The following SLC24A2 variants were observed in gnomAD, a reference collection of about 807,000 sequenced individuals.
SLC24A2 encodes the protein solute carrier family 24 member 2, also known as sodium/potassium/calcium exchanger 2.
A neutral mutation model predicts 62.0 loss-of-function variants in SLC24A2; 36 were observed. The observed-to-expected ratio is 0.58, with a 90% CI of 0.44 to 0.77. The LOEUF (loss-of-function observed/expected upper bound fraction) is 0.77, where lower values mean the gene tolerates loss of function less well. Ranked by LOEUF, SLC24A2 falls within the 30% of genes least tolerant of loss-of-function variation. The pLI, the probability that SLC24A2 is intolerant of heterozygous loss-of-function variation, is 0.00. For synonymous variants in SLC24A2, 358 were observed against 294.0 expected, an observed-to-expected ratio of 1.22 and a Z score of -2.23; for missense variants, 846 against 817.9, an observed-to-expected ratio of 1.03 and a Z score of -0.42.
At chr9:20,077,432 A>C in the SLC24A2 span, among the ~76,000 whole-genome samples, 2 of 152,148 alleles carry the variant, frequency 1.3e-5, no homozygotes, top group African/African-American at 2.4e-5. Context: ...TTTATTTCTT[A>C]AATAAAAAAA....
the SLC24A2 span, among the ~76,000 whole-genome samples, chr9:20,146,017 C>A: frequency 6.6e-6 from 1 of 151,902 alleles, no homozygotes; most frequent in Admixed American, 6.6e-5. Flanking sequence ...ATTATAATAT[C>A]TTTTATTTAC....
At chr9:19,907,371 T>C in the SLC24A2 span, among the ~76,000 whole-genome samples, 1 of 152,200 alleles carries the variant, frequency 6.6e-6, no homozygotes. Context: ...GCCAATGTCA[T>C]ACTGAATGGG....
chr9:19,616,218 C>G (rs1164845522), intron 4 of SLC24A2, among the ~76,000 whole-genome samples: 1 of 152,036 alleles, frequency 6.6e-6, no homozygotes, highest in African/African-American at 2.4e-5. Context: ...TGTTACTTTT[C>G]AAAATAATGA....
chr9:20,040,777 G>A, the SLC24A2 span, among the ~76,000 whole-genome samples: 2 of 151,830 alleles, frequency 1.3e-5, no homozygotes, highest in African/African-American at 4.8e-5. Context: ...CCAGGGAAGG[G>A]AAAGGACAGC....
the SLC24A2 span, among the ~76,000 whole-genome samples, chr9:19,913,671 T>C: frequency 2.0e-5 from 3 of 152,078 alleles, no homozygotes; most frequent in Non-Finnish European, 4.4e-5. Flanking sequence ...TTCATGAGAT[T>C]AACCATCCTT....
intron 8 of SLC24A2, among the ~76,000 whole-genome samples, chr9:19,528,936 A>T (rs1833560460): frequency 1.3e-5 from 2 of 152,178 alleles, no homozygotes; most frequent in Non-Finnish European, 2.9e-5. Context: ...GAGCATTTTT[A>T]AAGTTTCCTA....
the SLC24A2 span, among the ~76,000 whole-genome samples, chr9:20,101,617 A>G: frequency 6.6e-6 from 1 of 152,212 alleles, no homozygotes; most frequent in African/African-American, 2.4e-5. Flanking sequence ...GGGCAAATTT[A>G]CAAACCAAGG....
chr9:20,062,900 A>T, the SLC24A2 span, among the ~76,000 whole-genome samples: 1 of 118,756 alleles, frequency 8.4e-6, no homozygotes, highest in Non-Finnish European at 1.7e-5. Context: ...TATGCTCACC[A>T]TCACTGGCCA....
At chr9:19,898,367 A>C in the SLC24A2 span, among the ~76,000 whole-genome samples, 12 of 152,226 alleles carry the variant, frequency 7.9e-5, no homozygotes, top group South Asian at 2.1e-4. Flanking sequence ...TGGCTGCTTC[A>C]TCCCATAACA....
At chr9:19,885,403 T>A in the SLC24A2 span, among the ~76,000 whole-genome samples, 5 of 152,214 alleles carry the variant, frequency 3.3e-5, no homozygotes, top group African/African-American at 1.2e-4. Context: ...AGGTGGATGA[T>A]GATGCTTTAA....
At chr9:19,826,557 G>C in the SLC24A2 span, among the ~76,000 whole-genome samples, 1 of 152,162 alleles carries the variant, frequency 6.6e-6, no homozygotes, top group Non-Finnish European at 1.5e-5. Flanking sequence ...GGCACACCTG[G>C]TGGCTGGTGA....
At chr9:20,161,654 T>C in the SLC24A2 span, among the ~76,000 whole-genome samples, 1 of 151,224 alleles carries the variant, frequency 6.6e-6, no homozygotes, top group Admixed American at 6.6e-5. Context: ...TTTTGACAAA[T>C]TTGACACCCA....
the SLC24A2 span, among the ~76,000 whole-genome samples, chr9:19,976,731 C>T: frequency 2.0e-5 from 3 of 152,280 alleles, no homozygotes; most frequent in African/African-American, 4.8e-5. Flanking sequence ...TGAGTGTCCA[C>T]AGATTTTGGT....
At chr9:19,519,041 A>C (rs961318123) in intron 10 of SLC24A2, among the ~76,000 whole-genome samples, 1 of 152,198 alleles carries the variant, frequency 6.6e-6, no homozygotes, top group African/African-American at 2.4e-5. Flanking sequence ...ATAGCAGAAA[A>C]TTTTTAATAA....
At chr9:19,602,742 G>A (rs148265235) in intron 4 of SLC24A2, among the ~76,000 whole-genome samples, 1,599 of 152,266 alleles carry the variant, frequency 0.011, 31 homozygotes, top group African/African-American at 0.037. Flanking sequence ...GTGGTCTTGG[G>A]TAAATCATTT....
intron 4 of SLC24A2, among the ~76,000 whole-genome samples, chr9:19,605,820 C>T (rs778988797): frequency 1.3e-5 from 2 of 152,194 alleles, no homozygotes; most frequent in Non-Finnish European, 2.9e-5. Context: ...ATTATCTTTC[C>T]TATTTTACAA....
the SLC24A2 span, among the ~76,000 whole-genome samples, chr9:20,175,238 A>G: frequency 6.6e-6 from 1 of 151,818 alleles, no homozygotes; most frequent in South Asian, 2.1e-4. Flanking sequence ...TCAGGGGGAA[A>G]GGTGGGAAGG....
At chr9:19,961,023 G>GTGTGTGT in the SLC24A2 span, among the ~76,000 whole-genome samples, 163 of 141,716 alleles carry the variant, frequency 1.2e-3, 2 homozygotes, top group Middle Eastern at 0.011. Context: ...TAGAGGGGTG[G>GTGTGTGT]GTGTGTGTGT....
the SLC24A2 span, among the ~76,000 whole-genome samples, chr9:20,010,354 T>C: frequency 2.8e-3 from 426 of 152,172 alleles, 7 homozygotes; most frequent in Non-Finnish European, 1.5e-3. Flanking sequence ...AATTAGGGAA[T>C]TATTGCACCA....
Sources: allele counts gnomAD v4.1 joint callset (sites outside exome capture counted in the v4.1 genomes callset), GRCh38; gene constraint gnomAD v4.1.1; transcripts MANE v1.5; gene names NCBI Gene and HGNC (gene_info 2026-07-23, HGNC 2026-07-21).